Variants in TSHZ2 observed in about 807,000 individuals in gnomAD.
TSHZ2 encodes the protein teashirt zinc finger homeobox 2, also known as teashirt homolog 2.
Under a neutral mutation model 74.4 loss-of-function variants are expected in TSHZ2, and 21 were observed. The observed-to-expected ratio is 0.28, with a 90% CI of 0.20 to 0.41. TSHZ2 has a LOEUF of 0.41. TSHZ2 is among the 10% of genes least tolerant of loss of function. TSHZ2 has a pLI of 1.00. For synonymous variants in TSHZ2, 540 were observed against 515.3 expected (o/e 1.05, Z -0.65); for missense variants, 1,244 against 1,293.5 (o/e 0.96, Z 0.59).
At chr20:53,455,888 A>T (rs1023755932) in intron 2 of TSHZ2, among the ~76,000 whole-genome samples, 4 of 151,752 alleles carry the variant, frequency 2.6e-5, no homozygotes, top group African/African-American at 9.7e-5. Context: ...AAGGACATGA[A>T]CTCATCATTT....
At chr20:53,442,561 C>T (rs1028426866) in intron 2 of TSHZ2, among the ~76,000 whole-genome samples, 8 of 152,134 alleles carry the variant, frequency 5.3e-5, no homozygotes, top group Non-Finnish European at 1.0e-4. Context: ...TGTGAGTCCC[C>T]GTAATATCGT....
intron 1 of TSHZ2, among the ~76,000 whole-genome samples, chr20:53,233,539 T>A (rs1989874897): frequency 6.6e-6 from 1 of 152,194 alleles, no homozygotes; most frequent in Non-Finnish European, 1.5e-5. Context: ...TCAGTGGCCA[T>A]ACAGATTTAG....
chr20:53,065,755 G>C (rs1282770184), intron 1 of TSHZ2, among the ~76,000 whole-genome samples: 1 of 152,176 alleles, frequency 6.6e-6, no homozygotes, highest in Non-Finnish European at 1.5e-5. Context: ...TGAATATATA[G>C]GTCTCTAGCC....
intron 2 of TSHZ2, among the ~76,000 whole-genome samples, chr20:53,397,298 A>C (rs890574890): frequency 2.6e-5 from 4 of 152,210 alleles, no homozygotes; most frequent in African/African-American, 9.6e-5. Flanking sequence ...AAACAACCCC[A>C]TCAACAAGTG....
intron 2 of TSHZ2, among the ~76,000 whole-genome samples, chr20:53,397,062 C>T (rs193203854): frequency 7.2e-5 from 11 of 152,228 alleles, no homozygotes; most frequent in East Asian, 5.8e-4. Context: ...GACATAGGCA[C>T]GGGCAAGGAC....
chr20:53,470,114 C>T (rs2048248237), intron 2 of TSHZ2, among the ~76,000 whole-genome samples: 3 of 152,116 alleles, frequency 2.0e-5, no homozygotes. Flanking sequence ...AGCAATTAGT[C>T]TCAGTCTCTG....
intron 1 of TSHZ2, among the ~76,000 whole-genome samples, chr20:53,122,911 C>T (rs907310742): frequency 6.6e-6 from 1 of 152,156 alleles, no homozygotes; most frequent in African/African-American, 2.4e-5. Context: ...ATTTCTGTTC[C>T]AAATTCTCTA....
intron 1 of TSHZ2, among the ~76,000 whole-genome samples, chr20:53,227,813 C>T (rs578002921): frequency 1.3e-5 from 2 of 152,248 alleles, no homozygotes; most frequent in South Asian, 4.1e-4. Context: ...AGAGCTATAT[C>T]AGTACTGACT....
intron 2 of TSHZ2, among the ~76,000 whole-genome samples, chr20:53,356,018 T>C (rs911907327): frequency 1.6e-4 from 25 of 152,006 alleles, no homozygotes; most frequent in Admixed American, 1.6e-3. Context: ...TTAGAGGTAG[T>C]GAGAAAAGAA....
In TSHZ2 at chr20:53,469,626, AAGGG is replaced by A. The variant is rs1202477269; in HGVS notation, c.*9-17510_*9-17507del. ...CAAGAAAGATAGATAGAGAGGGAGG[AAGGG>A]AGGGAGGAAGGAAGGAAGGAAGGAA... On this transcript the variant is annotated intron_variant, in intron 2 of 2. Coordinates refer to ENST00000371497, the MANE Select transcript of TSHZ2 (RefSeq NM_173485.6). Among the ~76,000 whole-genome samples the A allele has an allele frequency of 1.8e-4, 10 of 55,792 alleles. 1 individual carries two copies. Among genetic ancestry groups the A allele is most frequent in the Admixed American group, 7.9e-4 (4 of 5,076 alleles). 36.6% of individuals were successfully genotyped at this position (55,792 alleles called of 152,430 possible).
At chr20:53,284,748 A>G (rs1156535691) in intron 2 of TSHZ2, among the ~76,000 whole-genome samples, 2 of 139,848 alleles carry the variant, frequency 1.4e-5, no homozygotes, top group Non-Finnish European at 3.1e-5. Context: ...TGGCAATAAG[A>G]GAGAGAAAGA....
At chr20:53,261,057 C>G (rs939622945) in intron 2 of TSHZ2, among the ~76,000 whole-genome samples, 2 of 152,224 alleles carry the variant, frequency 1.3e-5, no homozygotes, top group Non-Finnish European at 2.9e-5. Flanking sequence ...GAAGACAAAA[C>G]TAAACCTGGA....
chr20:53,022,732 A>G (rs1019481732), intron 1 of TSHZ2, among the ~76,000 whole-genome samples: 3 of 152,230 alleles, frequency 2.0e-5, no homozygotes, highest in Non-Finnish European at 2.9e-5. Flanking sequence ...CTCTAATTGT[A>G]TATACATCTA....
rs995392745 is a variant in TSHZ2, at chr20:53,102,632, G to A, written c.40+129299G>A. Among the ~76,000 whole-genome samples, 10 of 152,268 alleles carry A rather than the reference G, an allele frequency of 6.6e-5. No homozygotes were observed. In the South Asian group the frequency reaches 8.3e-4, roughly 13 times the overall value. ...TCCATAACATCTCAGCTGAAAATATGTTTTGGGTTCTACAATAGTGATTCT... is the reference window on the plus strand; with the variant it reads ...TCCATAACATCTCAGCTGAAAATATATTTTGGGTTCTACAATAGTGATTCT... On this transcript the variant is annotated intron_variant, in intron 1 of 2. Coordinates refer to ENST00000371497, the MANE Select transcript of TSHZ2 (RefSeq NM_173485.6).
intron 1 of TSHZ2, among the ~76,000 whole-genome samples, chr20:53,151,803 T>C (rs915803267): frequency 6.6e-6 from 1 of 152,226 alleles, no homozygotes; most frequent in African/African-American, 2.4e-5. Flanking sequence ...AATTTTATAT[T>C]GGTCATAATT....
chr20:53,145,624 T>A (rs1414358779), intron 1 of TSHZ2, among the ~76,000 whole-genome samples: 3 of 152,176 alleles, frequency 2.0e-5, no homozygotes, highest in African/African-American at 7.2e-5. Flanking sequence ...CTCAGAGTTA[T>A]CCCAATGAGG....
chr20:53,424,791 C>T (rs1476848259), intron 2 of TSHZ2, among the ~76,000 whole-genome samples: 1 of 152,192 alleles, frequency 6.6e-6, no homozygotes, highest in Non-Finnish European at 1.5e-5. Flanking sequence ...CATTGTTCCA[C>T]TGCCACTTAC....
chr20:53,255,614 C>T lies in TSHZ2; in HGVS notation c.2156C>T (p.Ser719Phe). 1 of 1,583,594 alleles carries T rather than the reference C, an allele frequency of 6.3e-7. No individual in the cohort carries two copies. Among genetic ancestry groups the T allele is most frequent in the Non-Finnish European group, 8.6e-7 (1 of 1,165,100 alleles). ...GAGCCCTTGCGCTCACCTTCCTGCT[C>T]CAGCCCAAGTTCAAGCACAATTTCC... The part of the protein sequence containing the change: ...ATEPLRSPSC[S>F]SPSSSTISMF... The change falls in exon 2 of 3, where the codon TCC becomes TTC. Residue 719 changes from serine (S) to phenylalanine (F), a missense_variant. Transcript: ENST00000371497. This position sits in a 1 kb window ranked among gnomAD's most constrained non-coding sequence, Gnocchi z 4.1.
chr20:53,458,564 C>T (rs934896845), intron 2 of TSHZ2, among the ~76,000 whole-genome samples: 39 of 152,186 alleles, frequency 2.6e-4, no homozygotes, highest in African/African-American at 9.4e-4. Flanking sequence ...TTATTTCCTT[C>T]AGTTCTGCTC....
Sources: gnomAD v4.1 joint callset for allele counts (sites outside exome capture counted in the v4.1 genomes callset) on GRCh38, gnomAD v4.1.1 for gene constraint, Gnocchi (gnomAD v3.1) non-coding constraint, MANE v1.5 for transcripts, NCBI Gene and HGNC (gene_info 2026-07-23, HGNC 2026-07-21) for gene names.